The following NDUFB9 variants were observed in gnomAD, a reference collection of about 807,000 sequenced individuals.
NDUFB9 encodes NADH dehydrogenase [ubiquinone] 1 beta subcomplex subunit 9.
NDUFB9 carries 24 observed loss-of-function variants against 30.2 expected under a neutral mutation model. The observed-to-expected ratio is 0.80, with a 90% CI of 0.58 to 1.12. The LOEUF is 1.12. NDUFB9 is among the 50% of genes most tolerant of loss of function. The pLI is 0.00. For missense variants in NDUFB9, 204 were observed against 226.0 expected, an observed-to-expected ratio of 0.90 and a Z score of 0.62; for synonymous variants, 80 against 84.0, an observed-to-expected ratio of 0.95 and a Z score of 0.26.
intron 3 of NDUFB9, among the ~76,000 whole-genome samples, chr8:124,548,841 G>A (rs192951831): frequency 1.3e-3 from 205 of 152,340 alleles, no homozygotes; most frequent in African/African-American, 4.7e-3. Flanking sequence ...TTAAACAAAT[G>A]AGTGGGAAAG....
chr8:124,548,962 C>T (rs1286397247), intron 3 of NDUFB9, among the ~76,000 whole-genome samples: 1 of 152,152 alleles, frequency 6.6e-6, no homozygotes, highest in East Asian at 1.9e-4. Context: ...CCAAGGGGGA[C>T]CCGAAGGAAG....
chr8:124,545,760 C>T (rs1299815147), intron 2 of NDUFB9, among the ~76,000 whole-genome samples: 1 of 152,154 alleles, frequency 6.6e-6, no homozygotes, highest in East Asian at 1.9e-4. Context: ...GAACTCCTAC[C>T]CTCATAGAAT....
chr8:124,546,718 C>G (rs984328550), intron 2 of NDUFB9: 7 of 511,198 alleles, frequency 1.4e-5, no homozygotes, highest in Non-Finnish European at 2.5e-5. Flanking sequence ...TAAGACTACT[C>G]TGGATATTTA....
intron 2 of NDUFB9, chr8:124,546,594 G>A (rs552474218): frequency 2.5e-5 from 6 of 241,600 alleles, no homozygotes; most frequent in Non-Finnish European, 4.9e-5. Flanking sequence ...TCAGATTTAA[G>A]GTCGTACAGT....
rs7011005 is a variant in NDUFB9 at position 124,539,527 on chromosome 8, G to C, written c.101+240G>C. ...CAGCTTTTTGTTTAGTAAAACGGAC[G>C]CACGACCAGCGCAGAGGGTCGCAGG... On this transcript the variant is annotated intron_variant, in intron 1 of 3. Coordinates refer to ENST00000276689, the MANE Select transcript of NDUFB9 (RefSeq NM_005005.3). 2,284 of 544,148 alleles carry C rather than the reference G, an allele frequency of 4.2e-3. 36 individuals carry two copies. The highest frequency in any genetic ancestry group is 0.038 in the African/African-American group (2,033 of 52,826). 33.7% of individuals were successfully genotyped at this position (544,148 alleles called of 1,614,324 possible).
At chr8:124,544,199 C>CAG (rs750256535) in intron 2 of NDUFB9, among the ~76,000 whole-genome samples, 5 of 152,108 alleles carry the variant, frequency 3.3e-5, no homozygotes, top group Non-Finnish European at 7.4e-5. Context: ...TTTAACTCTT[C>CAG]ATTTCTATGA....
chr8:124,541,599 CTT>C (rs963537961), intron 1 of NDUFB9, among the ~76,000 whole-genome samples: 14 of 152,066 alleles, frequency 9.2e-5, no homozygotes, highest in African/African-American at 3.1e-4. Flanking sequence ...GCCTAGAAGA[CTT>C]TTTTTGTTTG....
chr8:124,540,152 G>A (rs1464535802), intron 1 of NDUFB9, among the ~76,000 whole-genome samples: 3 of 152,196 alleles, frequency 2.0e-5, no homozygotes, highest in Non-Finnish European at 4.4e-5. Flanking sequence ...TACCCTCGAA[G>A]CCCAGATTGC....
chr8:124,548,515 T>C (rs1242560805), intron 3 of NDUFB9, among the ~76,000 whole-genome samples: 1 of 152,056 alleles, frequency 6.6e-6, no homozygotes, highest in East Asian at 1.9e-4. Flanking sequence ...TGGAGAGTAG[T>C]AGGATGGCCA....
At chr8:124,539,481 T>A in intron 1 of NDUFB9, 194 bp downstream of exon 1, 1 of 596,142 alleles carries the variant, frequency 1.7e-6, no homozygotes, top group Non-Finnish European at 3.0e-6. Context: ...CCTTGTAGAG[T>A]TGCTTGTCGG....
rs777584999 is a variant in NDUFB9 at position 124,543,106 on chromosome 8, G to T, written c.121G>T (p.Ala41Ser). Residue 41 changes from alanine to serine, a missense_variant, in exon 2 of 4, where the codon GCT becomes TCT. Ala to Ser is a moderately conservative substitution (Grantham distance 99). Transcript: ENST00000276689. ...CVQRDKYRYF[A>S]CLMRARFEEH... Reference sequence around the variant, plus strand: ...TTTAAGAGACAAATACCGATACTTTGCTTGTTTGATGAGAGCCCGGTTTGA... The same window carrying T: ...TTTAAGAGACAAATACCGATACTTTTCTTGTTTGATGAGAGCCCGGTTTGA... The T allele has an allele frequency of 6.2e-7, 1 of 1,614,168 alleles. No homozygotes were observed.
chr8:124,541,626 G>A (rs72714704), intron 1 of NDUFB9, among the ~76,000 whole-genome samples: 11,365 of 152,160 alleles, frequency 0.075, 660 homozygotes, highest in South Asian at 0.29. Flanking sequence ...TTTGTTAGAC[G>A]GAGTTTCGCT....
At chr8:124,548,561 G>A (rs900514598) in intron 3 of NDUFB9, among the ~76,000 whole-genome samples, 1 of 152,198 alleles carries the variant, frequency 6.6e-6, no homozygotes, top group Non-Finnish European at 1.5e-5. Flanking sequence ...GGAATAATCA[G>A]TGGGTAATGA....
chr8:124,539,170 G>C lies in NDUFB9; in HGVS notation c.-17G>C, dbSNP rs1329586863. ...GTTTCCCGGCTCTCCGCGCGGCCGG[G>C]GAAGGTCAGCGCCGTAATGGCGTTC... On this transcript the variant is annotated 5_prime_UTR_variant, in exon 1 of 4. Transcript: ENST00000276689. 1.9e-6 allele frequency: 3 copies of C among 1,613,958 alleles called. No individual in the cohort carries two copies. Among genetic ancestry groups the C allele is most frequent in the Non-Finnish European group, 2.5e-6 (3 of 1,179,914 alleles).
intron 1 of NDUFB9, among the ~76,000 whole-genome samples, chr8:124,541,708 A>G (rs1821997846): frequency 6.6e-6 from 1 of 151,954 alleles, no homozygotes; most frequent in South Asian, 2.1e-4. Flanking sequence ...GGTTCAAGCA[A>G]TTCTCCTGCC....
At chr8:124,544,528 G>A (rs1822108498) in intron 2 of NDUFB9, among the ~76,000 whole-genome samples, 1 of 152,112 alleles carries the variant, frequency 6.6e-6, no homozygotes, top group African/African-American at 2.4e-5. Flanking sequence ...CTCTTGTTAG[G>A]GACTAATGCA....
intron 3 of NDUFB9, chr8:124,547,557 A>G: frequency 5.2e-6 from 2 of 381,078 alleles, no homozygotes; most frequent in South Asian, 6.2e-5. Flanking sequence ...AGTTTAGTCA[A>G]AAGGTTGTCA....
intron 1 of NDUFB9, among the ~76,000 whole-genome samples, chr8:124,540,655 T>C (rs918821782): frequency 1.3e-5 from 2 of 152,316 alleles, no homozygotes; most frequent in Non-Finnish European, 2.9e-5. Context: ...GAAAATGATA[T>C]AAACTAGCTA....
rs1471104163 is a variant in NDUFB9 at position 124,539,147 on chromosome 8, T to G, written c.-40T>G. On this transcript the variant is annotated 5_prime_UTR_variant, in exon 1 of 4. Coordinates refer to ENST00000276689, the MANE Select transcript of NDUFB9 (RefSeq NM_005005.3). Reference sequence around the variant, plus strand: ...CAGTCACCCGCAGCAGGCGTGCAGTTTCCCGGCTCTCCGCGCGGCCGGGGA... The same window carrying G: ...CAGTCACCCGCAGCAGGCGTGCAGTGTCCCGGCTCTCCGCGCGGCCGGGGA... The G allele has an allele frequency of 6.2e-7, 1 of 1,613,562 alleles. No individual in the cohort carries two copies. Among genetic ancestry groups the G allele is most frequent in the Non-Finnish European group, 8.5e-7 (1 of 1,179,570 alleles).
Sources: allele counts gnomAD v4.1 joint callset (sites outside exome capture counted in the v4.1 genomes callset), GRCh38; gene constraint gnomAD v4.1.1; transcripts MANE v1.5; gene names NCBI Gene and HGNC (gene_info 2026-07-23, HGNC 2026-07-21).